The following MAGI2 variants were observed in gnomAD, a reference collection of about 807,000 sequenced individuals.
MAGI2 encodes membrane associated guanylate kinase, WW and PDZ domain containing 2, also known as membrane-associated guanylate kinase, WW and PDZ domain-containing protein 2.
In MAGI2, 35 loss-of-function variants were observed where a neutral mutation model predicts 133.3. The ratio of observed to expected loss-of-function variants is 0.26; its 90% CI spans 0.20 to 0.35. The LOEUF (loss-of-function observed/expected upper bound fraction) is 0.35. Among genes scored for constraint, MAGI2 ranks in the 10% least tolerant of loss-of-function variants. MAGI2 has a pLI of 1.00. For missense variants in MAGI2, 1,636 were observed against 1,863.4 expected (o/e 0.88, Z 2.25); for synonymous variants, 729 against 710.6 (o/e 1.03, Z -0.41).
At chr7:79,028,714 C>A (rs535676916) in intron 1 of MAGI2, among the ~76,000 whole-genome samples, 39 of 152,240 alleles carry the variant, frequency 2.6e-4, no homozygotes, top group Middle Eastern at 3.4e-3. Context: ...TCATGACAAA[C>A]ATTTCAAATA....
At chr7:78,859,330 A>G (rs962302603) in intron 2 of MAGI2, among the ~76,000 whole-genome samples, 1 of 152,062 alleles carries the variant, frequency 6.6e-6, no homozygotes, top group African/African-American at 2.4e-5. Context: ...GTTTCTTCCT[A>G]GCATCGATGG....
At chr7:78,023,846 A>G (rs13438431) in intron 21 of MAGI2, among the ~76,000 whole-genome samples, 9,459 of 152,276 alleles carry the variant, frequency 0.062, 965 homozygotes, top group African/African-American at 0.21. Context: ...GAAAAATACA[A>G]AATAACAATA....
At chr7:78,120,959 C>G (rs1421919324) in intron 20 of MAGI2, among the ~76,000 whole-genome samples, 1 of 135,540 alleles carries the variant, frequency 7.4e-6, no homozygotes, top group African/African-American at 2.8e-5. Flanking sequence ...CGAGATCCCG[C>G]CACTGCACTC....
At chr7:78,687,900 G>A (rs901648533) in intron 2 of MAGI2, among the ~76,000 whole-genome samples, 4 of 141,412 alleles carry the variant, frequency 2.8e-5, no homozygotes, top group Non-Finnish European at 6.0e-5. Context: ...AGCCTGGGAA[G>A]CAGAGGTTGC....
intron 10 of MAGI2, among the ~76,000 whole-genome samples, chr7:78,229,563 T>G (rs1353149953): frequency 6.6e-6 from 1 of 152,194 alleles, no homozygotes; most frequent in Non-Finnish European, 1.5e-5. Context: ...TGTGGCACTG[T>G]GCTAGGTCAG....
intron 1 of MAGI2, among the ~76,000 whole-genome samples, chr7:79,323,491 T>G (rs1364331864): frequency 6.6e-6 from 1 of 151,904 alleles, no homozygotes; most frequent in African/African-American, 2.4e-5. Flanking sequence ...GAAGACCAGC[T>G]GGAATGATCG....
intron 1 of MAGI2, among the ~76,000 whole-genome samples, chr7:79,242,587 T>C (rs1832500697): frequency 6.6e-6 from 1 of 152,212 alleles, no homozygotes; most frequent in East Asian, 1.9e-4. Flanking sequence ...AGGTACATTT[T>C]TATGGCACTT....
At chr7:78,397,256 A>AAAAAG (rs1796427268) in intron 6 of MAGI2, among the ~76,000 whole-genome samples, 1 of 152,002 alleles carries the variant, frequency 6.6e-6, no homozygotes, top group South Asian at 2.1e-4. Context: ...TGGGGATAGG[A>AAAAAG]AAAAGAAGAA....
intron 1 of MAGI2, among the ~76,000 whole-genome samples, chr7:79,432,252 C>A (rs1176658901): frequency 2.6e-5 from 4 of 152,294 alleles, no homozygotes; most frequent in African/African-American, 9.6e-5. Flanking sequence ...AATGGAGTCT[C>A]ATCTCACTTT....
At chr7:78,479,675 T>C (rs1182780305) in intron 6 of MAGI2, among the ~76,000 whole-genome samples, 1 of 151,962 alleles carries the variant, frequency 6.6e-6, no homozygotes, top group African/African-American at 2.4e-5. Flanking sequence ...TTATTTTAAA[T>C]GTCCATTTAA....
chr7:78,349,421 C>G (rs1439007544), intron 7 of MAGI2, among the ~76,000 whole-genome samples: 1 of 152,188 alleles, frequency 6.6e-6, no homozygotes, highest in Admixed American at 6.5e-5. Flanking sequence ...ATATGCATAA[C>G]TTTATCCTTA....
chr7:79,234,594 G>C lies in MAGI2; in HGVS notation c.301+218426C>G, dbSNP rs1831704130. Reference sequence around the variant, plus strand: ...CTTCCAGTTGATCGCATCGGCTCCTGAGGCTTCTGCATTCTTCACGTAGGT... The same window carrying C: ...CTTCCAGTTGATCGCATCGGCTCCTCAGGCTTCTGCATTCTTCACGTAGGT... On this transcript the variant is annotated intron_variant, in intron 1 of 21. Coordinates refer to ENST00000354212, the MANE Select transcript of MAGI2 (RefSeq NM_012301.4). 2.6e-5 allele frequency among the ~76,000 whole-genome samples: 4 copies of C among 152,058 alleles called. No homozygotes were observed. The East Asian group carries it at 5.8e-4, about 22-fold the overall frequency.
intron 20 of MAGI2, among the ~76,000 whole-genome samples, chr7:78,124,861 C>CTTTTTTTTTTTTTTTTTTTTT (rs10707820): frequency 1.5e-5 from 2 of 137,428 alleles, no homozygotes; most frequent in Non-Finnish European, 3.1e-5. Context: ...TAGCTGCTGT[C>CTTTTTTTTTTTTTTTTTTTTT]TTTTTTTTTT....
chr7:79,124,252 A>G (rs1290777789), intron 1 of MAGI2, among the ~76,000 whole-genome samples: 5 of 152,218 alleles, frequency 3.3e-5, no homozygotes, highest in Non-Finnish European at 7.3e-5. Context: ...TTTTAAGAAC[A>G]TTGGTTTGAA....
chr7:78,692,387 T>C (rs929017367), intron 2 of MAGI2, among the ~76,000 whole-genome samples: 1 of 152,114 alleles, frequency 6.6e-6, no homozygotes, highest in Non-Finnish European at 1.5e-5. Flanking sequence ...TTAGGGAGCA[T>C]CCTCAGGCTG....
chr7:78,078,953 C>T lies in MAGI2; in HGVS notation c.3700G>A (p.Glu1234Lys). ...LLKRGTGQVP[E>K]YDEPAPWSSP... ...ATTAAAACGTGAAACGTACCATATTCTGGGACCTGTCCCGTGCCTCTCTTG... is the reference window on the plus strand; with the variant it reads ...ATTAAAACGTGAAACGTACCATATTTTGGGACCTGTCCCGTGCCTCTCTTG... Residue 1234 changes from glutamate (E) to lysine (K), a missense_variant, in exon 21 of 22, where the codon GAA (glutamate) becomes AAA (lysine). Glu to Lys is a moderately conservative substitution (Grantham distance 56). This residue lies in a region of MAGI2 where 49 missense variants were observed against 103.8 expected (regional missense o/e 0.47). Coordinates refer to ENST00000354212, the MANE Select transcript of MAGI2 (RefSeq NM_012301.4). The T allele has an allele frequency of 8.1e-6, 13 of 1,613,358 alleles. No individual in the cohort carries two copies. The highest frequency in any genetic ancestry group is 1.1e-5 in the Non-Finnish European group (13 of 1,179,876).
At chr7:78,366,442 T>G (rs1793386750) in intron 7 of MAGI2, among the ~76,000 whole-genome samples, 1 of 152,134 alleles carries the variant, frequency 6.6e-6, no homozygotes, top group African/African-American at 2.4e-5. Context: ...CTCTACATAC[T>G]GAAAGTGATG....
chr7:78,164,987 T>C (rs1466007462), intron 15 of MAGI2, among the ~76,000 whole-genome samples: 1 of 152,222 alleles, frequency 6.6e-6, no homozygotes, highest in East Asian at 1.9e-4. Context: ...ATAAGGCATC[T>C]TCTCTCAAAA....
At chr7:78,287,895 TATTCC>T (rs1357662427) in intron 9 of MAGI2, among the ~76,000 whole-genome samples, 1 of 152,216 alleles carries the variant, frequency 6.6e-6, no homozygotes, top group Non-Finnish European at 1.5e-5. Context: ...ATCAGTTACC[TATTCC>T]ATTTTCACAA....
Sources: gnomAD v4.1 joint callset for allele counts (sites outside exome capture counted in the v4.1 genomes callset) on GRCh38, gnomAD v4.1.1 for gene constraint, gnomAD v4.1.1 regional missense constraint, MANE v1.5 for transcripts, NCBI Gene and HGNC (gene_info 2026-07-23, HGNC 2026-07-21) for gene names.